The following RSPO3 variants were observed in gnomAD, a reference collection of about 807,000 sequenced individuals.
RSPO3 encodes the protein R-spondin-3.
In RSPO3, 17 loss-of-function variants were observed where a neutral mutation model predicts 36.5. That is an observed-to-expected ratio of 0.47 (90% confidence interval 0.32 to 0.70). RSPO3 has a LOEUF of 0.70. Among genes scored for constraint, RSPO3 ranks in the 30% least tolerant of loss-of-function variants. The probability of loss-of-function intolerance (pLI) is 0.04; values close to 1 mark genes in which losing one functional copy is unlikely to be tolerated. For missense variants in RSPO3, 294 were observed against 322.5 expected (o/e 0.91, Z 0.68); for synonymous variants, 108 against 107.0 (o/e 1.01, Z -0.06).
intron 4 of RSPO3, among the ~76,000 whole-genome samples, chr6:127,159,033 G>A (rs1207564269): frequency 6.6e-6 from 1 of 152,112 alleles, no homozygotes; most frequent in Non-Finnish European, 1.5e-5. Flanking sequence ...AGGAGAAAAT[G>A]CATTTCCAGT....
At chr6:127,138,276 T>G (rs1410883644) in intron 1 of RSPO3, among the ~76,000 whole-genome samples, 2 of 152,192 alleles carry the variant, frequency 1.3e-5, no homozygotes, top group Non-Finnish European at 2.9e-5. Context: ...ATCTTACCTT[T>G]TTCAGTCTGT....
chr6:127,151,378 T>A (rs1263107731), intron 3 of RSPO3, among the ~76,000 whole-genome samples: 1 of 152,006 alleles, frequency 6.6e-6, no homozygotes, highest in Admixed American at 6.6e-5. Flanking sequence ...CAGCTACAAC[T>A]TTGATGAACA....
At chr6:127,127,828 CTCATT>C (rs1451317109) in intron 1 of RSPO3, among the ~76,000 whole-genome samples, 5 of 151,832 alleles carry the variant, frequency 3.3e-5, no homozygotes, top group Non-Finnish European at 7.4e-5. Context: ...TTTCTTTATC[CTCATT>C]TAACAAACCA....
intron 1 of RSPO3, among the ~76,000 whole-genome samples, chr6:127,144,454 C>T (rs972819182): frequency 6.6e-5 from 10 of 152,046 alleles, no homozygotes; most frequent in African/African-American, 1.9e-4. Flanking sequence ...ATAGCTTCTA[C>T]TTACTTGTAT....
chr6:127,149,507 C>T (rs907269751), intron 2 of RSPO3, among the ~76,000 whole-genome samples: 1 of 152,040 alleles, frequency 6.6e-6, no homozygotes, highest in Non-Finnish European at 1.5e-5. Context: ...TTTTTGTCCA[C>T]ATCTTTGCAT....
intron 4 of RSPO3, among the ~76,000 whole-genome samples, chr6:127,164,449 TTCTG>T (rs1352738985): frequency 3.9e-5 from 6 of 152,138 alleles, no homozygotes; most frequent in African/African-American, 7.2e-5. Context: ...CCAAAGTTTT[TTCTG>T]TCTATTTCAG....
intron 1 of RSPO3, among the ~76,000 whole-genome samples, chr6:127,147,827 T>G (rs1276068232): frequency 2.6e-5 from 4 of 152,072 alleles, no homozygotes; most frequent in Non-Finnish European, 5.9e-5. Flanking sequence ...CTCGAGTAAG[T>G]AGAAGATAAG....
intron 1 of RSPO3, 123 bp from the exon 2 acceptor site, chr6:127,148,525 C>A: frequency 6.6e-6 from 4 of 605,272 alleles, no homozygotes; most frequent in South Asian, 4.1e-5. Context: ...AAAATCCCAC[C>A]TCATTCACCC....
Position 127,150,106 on chromosome 6 carries a change from T to G in RSPO3, c.290-320T>G, listed in dbSNP as rs547715814. 2.6e-5 allele frequency among the ~76,000 whole-genome samples: 4 copies of G among 152,038 alleles called. No homozygotes were observed. The South Asian group carries it at 8.3e-4, about 31-fold the overall frequency. On this transcript the variant is annotated intron_variant, in intron 2 of 4. Transcript: ENST00000356698. ...TTTGTATGTTTTCTTAAGGTTCTGA[T>G]GAAACATTTTCACTATCACTTAATA...
intron 4 of RSPO3, among the ~76,000 whole-genome samples, chr6:127,190,678 G>C (rs1346420994): frequency 6.6e-6 from 1 of 152,158 alleles, no homozygotes; most frequent in East Asian, 1.9e-4. Flanking sequence ...TTAGTCCTCA[G>C]TCTGTAATGT....
intron 3 of RSPO3, 94 bp from the exon 4 acceptor site, chr6:127,155,146 TG>T: frequency 8.4e-7 from 1 of 1,191,972 alleles, no homozygotes; most frequent in Non-Finnish European, 1.2e-6. Flanking sequence ...TTCTCAAATG[TG>T]GGCAAGTTCT....
At chr6:127,188,290 A>C (rs1267220648) in intron 4 of RSPO3, among the ~76,000 whole-genome samples, 1 of 152,194 alleles carries the variant, frequency 6.6e-6, no homozygotes, top group East Asian at 1.9e-4. Flanking sequence ...AATTAGGCAA[A>C]AGAGAGTTTA....
chr6:127,131,951 G>T (rs1474513870), intron 1 of RSPO3, among the ~76,000 whole-genome samples: 1 of 152,034 alleles, frequency 6.6e-6, no homozygotes, highest in Admixed American at 6.6e-5. Flanking sequence ...ATTTTTACAA[G>T]AGCAATAAAC....
intron 4 of RSPO3, chr6:127,192,734 C>T: frequency 1.0e-6 from 1 of 953,962 alleles, no homozygotes; most frequent in South Asian, 4.8e-5. Flanking sequence ...CACATGCACA[C>T]AAACATGAAT....
At chr6:127,128,596 T>C (rs1773989449) in intron 1 of RSPO3, among the ~76,000 whole-genome samples, 2 of 152,052 alleles carry the variant, frequency 1.3e-5, no homozygotes, top group African/African-American at 4.8e-5. Flanking sequence ...AATAGACGTA[T>C]GTGGAGTGTG....
At chr6:127,141,835 GCATGGGCATGCATGCGTGCA>G (rs1268666069) in intron 1 of RSPO3, among the ~76,000 whole-genome samples, 2 of 152,110 alleles carry the variant, frequency 1.3e-5, no homozygotes, top group African/African-American at 4.8e-5. Context: ...GTGTGTGCAT[GCATGGGCATGCATGCGTGCA>G]TATATATATG....
At position 127,143,713 on chromosome 6, in the gene RSPO3, T is replaced by C. The variant is rs990011930; in HGVS notation, c.98-4935T>C. 3.3e-5 allele frequency among the ~76,000 whole-genome samples: 5 copies of C among 152,314 alleles called. No homozygotes were observed. In the East Asian group the frequency reaches 7.7e-4, roughly 23 times the overall value. ...CATGCAATAATGGATTTTTTTCACA[T>C]AACAACTTACAATAGATGTTAGTAC... is the stretch of plus-strand genomic sequence containing the variant. On this transcript the variant is annotated intron_variant, in intron 1 of 4. Coordinates refer to ENST00000356698, the MANE Select transcript of RSPO3 (RefSeq NM_032784.5).
intron 4 of RSPO3, among the ~76,000 whole-genome samples, chr6:127,193,589 T>G (rs1222113318): frequency 3.3e-5 from 5 of 152,196 alleles, no homozygotes; most frequent in Non-Finnish European, 7.4e-5. Context: ...TATGGAAATA[T>G]TATGTAATCC....
intron 1 of RSPO3, among the ~76,000 whole-genome samples, chr6:127,131,168 C>T (rs1774045746): frequency 6.6e-6 from 1 of 152,058 alleles, no homozygotes; most frequent in African/African-American, 2.4e-5. Context: ...ATACTTGGCC[C>T]TAGTACAATC....
Sources: allele counts gnomAD v4.1 joint callset (sites outside exome capture counted in the v4.1 genomes callset), GRCh38; gene constraint gnomAD v4.1.1; transcripts MANE v1.5; gene names NCBI Gene and HGNC (gene_info 2026-07-23, HGNC 2026-07-21).